The following EBF2 variants were observed in gnomAD, a reference collection of about 807,000 sequenced individuals.
EBF2 encodes transcription factor COE2.
Under a neutral mutation model 72.8 loss-of-function variants are expected in EBF2, and 21 were observed. That is an observed-to-expected ratio of 0.29 (90% CI 0.20 to 0.42). EBF2 has a LOEUF of 0.42. Ranked by LOEUF, EBF2 falls within the 10% of genes least tolerant of loss-of-function variation. The pLI, the probability that EBF2 is intolerant of heterozygous loss-of-function variation, is 1.00. For missense variants in EBF2, 637 were observed against 731.2 expected (o/e 0.87, Z 1.49); for synonymous variants, 299 against 274.2 (o/e 1.09, Z -0.89).
chr8:25,920,348 G>A (rs1449281314), intron 6 of EBF2, among the ~76,000 whole-genome samples: 1 of 152,224 alleles, frequency 6.6e-6, no homozygotes, highest in South Asian at 2.1e-4. Flanking sequence ...AACTCACAGG[G>A]TGAAATGGAG....
Position 25,887,968 on chromosome 8 carries a change from G to T in EBF2, c.756C>A (p.Thr252=), listed in dbSNP as rs1003598705. 1.9e-6 allele frequency: 3 copies of T among 1,606,946 alleles called. No individual in the cohort carries two copies. Among genetic ancestry groups the T allele is most frequent in the Admixed American group, 1.7e-5 (1 of 58,246 alleles). Residue 252 remains threonine, a synonymous_variant, in exon 9 of 16, where the codon ACC becomes ACA. Coordinates refer to ENST00000520164, the MANE Select transcript of EBF2 (RefSeq NM_022659.4). The part of the protein sequence containing the change: ...RARRLDPSEA[T]PCIKAISPSE... Reference sequence around the variant, plus strand: ...TCGGGCTAATGGCTTTGATGCAGGGGGTAGCTAAGAAGACAGGAAAGAAAA... The same window carrying T: ...TCGGGCTAATGGCTTTGATGCAGGGTGTAGCTAAGAAGACAGGAAAGAAAA...
At chr8:25,982,100 A>G (rs1233581382) in intron 6 of EBF2, among the ~76,000 whole-genome samples, 2 of 152,164 alleles carry the variant, frequency 1.3e-5, no homozygotes, top group Non-Finnish European at 2.9e-5. Flanking sequence ...AGTTGACCCA[A>G]TTAGAGTTTG....
At chr8:26,006,657 AT>A (rs1466365037) in intron 6 of EBF2, among the ~76,000 whole-genome samples, 3 of 152,152 alleles carry the variant, frequency 2.0e-5, no homozygotes, top group African/African-American at 7.2e-5. Flanking sequence ...CCCAGCAGGG[AT>A]TTTTTCAAAG....
At chr8:25,995,882 C>T (rs947174141) in intron 6 of EBF2, among the ~76,000 whole-genome samples, 3 of 151,686 alleles carry the variant, frequency 2.0e-5, no homozygotes, top group African/African-American at 7.3e-5. Flanking sequence ...TAAATTACAT[C>T]AAAATATATA....
At chr8:25,876,334 G>A (rs907904391) in intron 10 of EBF2, among the ~76,000 whole-genome samples, 3 of 152,146 alleles carry the variant, frequency 2.0e-5, no homozygotes, top group Middle Eastern at 3.4e-3. Flanking sequence ...GTGATGGGTC[G>A]ATCTGTGCTG....
At position 26,008,866 on chromosome 8, in the gene EBF2, A is replaced by C. The variant is rs551400856; in HGVS notation, c.551+24219T>G. On this transcript the variant is annotated intron_variant, in intron 6 of 15. Transcript: ENST00000520164. ...AAAAAAAAAAAAAAAAAAACACGAA[A>C]GTAAAGCAGAAATAAAAACAACAAC... Among the ~76,000 whole-genome samples, 4 of 151,304 alleles carry C rather than the reference A, an allele frequency of 2.6e-5. No individual in the cohort carries two copies. In the South Asian group the frequency reaches 8.4e-4, roughly 32 times the overall value.
chr8:25,959,114 G>A (rs768200597), intron 6 of EBF2, among the ~76,000 whole-genome samples: 42 of 152,174 alleles, frequency 2.8e-4, no homozygotes, highest in Non-Finnish European at 5.1e-4. Context: ...CATTTTTCTG[G>A]TGCTCAGGAA....
At chr8:25,848,144 G>A (rs1480865199) in intron 15 of EBF2, among the ~76,000 whole-genome samples, 1 of 152,174 alleles carries the variant, frequency 6.6e-6, no homozygotes, top group East Asian at 1.9e-4. Context: ...GACTATAGGT[G>A]TGTGCCACCA....
At chr8:25,867,620 G>T (rs993554369) in intron 10 of EBF2, among the ~76,000 whole-genome samples, 1 of 152,116 alleles carries the variant, frequency 6.6e-6, no homozygotes, top group Non-Finnish European at 1.5e-5. Flanking sequence ...ACGTTCCCCT[G>T]GGCAACTTCA....
chr8:25,881,889 TGGA>T (rs1275363511), intron 10 of EBF2, among the ~76,000 whole-genome samples: 1 of 152,136 alleles, frequency 6.6e-6, no homozygotes, highest in African/African-American at 2.4e-5. Context: ...CTGGGGCAGT[TGGA>T]GGAGAACCTG....
rs1321925852 is a variant in EBF2, at chr8:25,938,397, T to A, written c.552-29842A>T. Among the ~76,000 whole-genome samples, 2 of 151,924 alleles carry A rather than the reference T, an allele frequency of 1.3e-5. 1 individual carries two copies. Among genetic ancestry groups the A allele is most frequent in the Non-Finnish European group, 2.9e-5 (2 of 67,950 alleles). ...TTTGAAAAAAAAAAAGCCTAGTTTT[T>A]TTTTTGTCTTTCAGTTTTTTTCTTG... On this transcript the variant is annotated intron_variant, in intron 6 of 15. Coordinates refer to ENST00000520164, the MANE Select transcript of EBF2 (RefSeq NM_022659.4).
intron 6 of EBF2, among the ~76,000 whole-genome samples, chr8:25,941,136 C>T (rs942121668): frequency 6.6e-6 from 1 of 151,784 alleles, no homozygotes; most frequent in Non-Finnish European, 1.5e-5. Flanking sequence ...CTAATGGCAG[C>T]AGTAGTGGCT....
chr8:25,981,085 C>T (rs1804354443), intron 6 of EBF2, among the ~76,000 whole-genome samples: 1 of 152,120 alleles, frequency 6.6e-6, no homozygotes. Flanking sequence ...CTAAGCCTTG[C>T]TCCTCCCTGC....
chr8:26,040,486 G>C, intron 4 of EBF2, 130 bp downstream of exon 4: 1 of 802,522 alleles, frequency 1.2e-6, no homozygotes, highest in Non-Finnish European at 2.0e-6. Flanking sequence ...GTGCTGGGAG[G>C]GGGACGTGGA....
At chr8:25,983,828 G>A (rs1258845063) in intron 6 of EBF2, among the ~76,000 whole-genome samples, 1 of 152,232 alleles carries the variant, frequency 6.6e-6, no homozygotes, top group East Asian at 1.9e-4. Flanking sequence ...TCACCGCTTG[G>A]TATCAATGTC....
chr8:25,965,189 A>G (rs1181327697), intron 6 of EBF2, among the ~76,000 whole-genome samples: 1 of 152,194 alleles, frequency 6.6e-6, no homozygotes, highest in African/African-American at 2.4e-5. Flanking sequence ...ATTGCCACTG[A>G]ATTAATCACA....
chr8:25,970,267 A>C (rs1328420787), intron 6 of EBF2, among the ~76,000 whole-genome samples: 3 of 152,054 alleles, frequency 2.0e-5, no homozygotes, highest in Admixed American at 2.0e-4. Flanking sequence ...GCTGGTACCA[A>C]AGCGTAAGTG....
chr8:25,933,036 G>A (rs1803511170), intron 6 of EBF2, among the ~76,000 whole-genome samples: 2 of 152,216 alleles, frequency 1.3e-5, no homozygotes, highest in South Asian at 2.1e-4. Flanking sequence ...TCAGTAGCAC[G>A]TTCTGATGGA....
Position 26,044,662 on chromosome 8 carries a change from G to T in EBF2, c.131+67C>A, listed in dbSNP as rs553552154. Reference sequence around the variant, plus strand: ...AGAAAGGCACGGGGTGCGCGGGGGGGGTGCACACGGAGAGACAGACCGTAA... The same window carrying T: ...AGAAAGGCACGGGGTGCGCGGGGGGTGTGCACACGGAGAGACAGACCGTAA... On this transcript the variant is annotated intron_variant, in intron 1 of 15. Coordinates refer to ENST00000520164, the MANE Select transcript of EBF2 (RefSeq NM_022659.4). This position sits in a 1 kb window ranked among gnomAD's most constrained non-coding sequence, Gnocchi z 4.1. 1.6e-5 allele frequency: 25 copies of T among 1,563,844 alleles called. No individual in the cohort carries two copies. The Admixed American group carries it at 1.7e-4, about 11-fold the overall frequency.
Sources: gnomAD v4.1 joint callset for allele counts (sites outside exome capture counted in the v4.1 genomes callset) on GRCh38, gnomAD v4.1.1 for gene constraint, Gnocchi (gnomAD v3.1) non-coding constraint, MANE v1.5 for transcripts, NCBI Gene and HGNC (gene_info 2026-07-23, HGNC 2026-07-21) for gene names.